HEG1: variants seen among roughly 807,000 people sequenced by gnomAD.
HEG1 encodes the protein heart development protein with EGF like domains 1.
In HEG1, 56 loss-of-function variants were observed where a neutral mutation model predicts 125.6. The ratio of observed to expected loss-of-function variants is 0.45; its 90% confidence interval spans 0.36 to 0.56. The LOEUF is 0.56. HEG1 is among the 20% of genes least tolerant of loss of function. HEG1 has a pLI of 0.00. For missense variants in HEG1, 1,523 were observed against 1,670.0 expected (o/e 0.91, Z 1.53); for synonymous variants, 644 against 668.5 (o/e 0.96, Z 0.57).
chr3:125,024,307 T>G (rs545615662), intron 3 of HEG1, among the ~76,000 whole-genome samples: 1 of 152,342 alleles, frequency 6.6e-6, no homozygotes, highest in African/African-American at 2.4e-5. Context: ...TATGCTTACT[T>G]TATCTGAAAA....
At chr3:125,050,017 G>C (rs924821114) in intron 1 of HEG1, among the ~76,000 whole-genome samples, 6 of 152,064 alleles carry the variant, frequency 3.9e-5, no homozygotes, top group African/African-American at 1.5e-4. Context: ...AGTTGATTTG[G>C]GAGCCTAACT....
chr3:125,029,572 A>G, intron 1 of HEG1, 84 bp from the exon 2 acceptor site: 1 of 1,302,528 alleles, frequency 7.7e-7, no homozygotes, highest in Non-Finnish European at 1.1e-6. Context: ...ACCGTGAAAT[A>G]CATCAGTAGA....
At chr3:124,994,940 A>G (rs1936893631) in intron 12 of HEG1, among the ~76,000 whole-genome samples, 1 of 152,236 alleles carries the variant, frequency 6.6e-6, no homozygotes, top group African/African-American at 2.4e-5. Flanking sequence ...TGCACTGCTC[A>G]GGACATGGTT....
In HEG1 at chr3:125,020,953, C is replaced by G. The variant is rs1032442206; in HGVS notation, c.1091G>C (p.Arg364Thr). The change falls in exon 4 of 17, where the codon AGA becomes ACA. Residue 364 changes from arginine (R) to threonine (T), a missense_variant. By Grantham distance (71) the Arg-to-Thr change is moderately conservative. Coordinates refer to ENST00000311127, the MANE Select transcript of HEG1 (RefSeq NM_020733.2). ...GACTGAGGATGAAGTCGTGGCAATT[C>G]TGGAGTCCTTGGGGAAGCCTTCTGT... ...SKTEGFPKDS[R>T]IATTSSSVLL... is the part of the protein sequence containing the mutation. 1 of 1,613,874 alleles carries G rather than the reference C, an allele frequency of 6.2e-7. No homozygotes were observed. The highest frequency in any genetic ancestry group is 1.3e-5 in the African/African-American group (1 of 74,920).
At chr3:125,006,016 G>T (rs1937066840) in intron 8 of HEG1, among the ~76,000 whole-genome samples, 1 of 152,296 alleles carries the variant, frequency 6.6e-6, no homozygotes, top group African/African-American at 2.4e-5. Context: ...GCTCCCAAGG[G>T]CCACCACTGG....
chr3:124,991,502 A>G (rs1245274083), intron 12 of HEG1, among the ~76,000 whole-genome samples: 1 of 152,148 alleles, frequency 6.6e-6, no homozygotes, highest in Non-Finnish European at 1.5e-5. Context: ...GTGGCTCTCA[A>G]TCTCCCAGCT....
intron 16 of HEG1, among the ~76,000 whole-genome samples, chr3:124,973,357 C>A (rs531740448): frequency 2.0e-5 from 3 of 152,210 alleles, no homozygotes; most frequent in Admixed American, 2.0e-4. Flanking sequence ...GTTTTAAGTA[C>A]CTAACCACAC....
At chr3:125,014,824 T>C in intron 5 of HEG1, 1 of 1,289,880 alleles carries the variant, frequency 7.8e-7, no homozygotes, top group Non-Finnish European at 1.0e-6. Context: ...GCTGCAGGGC[T>C]GCCTGCTTCC....
chr3:125,015,131 T>A, intron 5 of HEG1: 1 of 564,198 alleles, frequency 1.8e-6, no homozygotes, highest in South Asian at 2.5e-5. Context: ...TTTTAGGGTC[T>A]TTATCTGAGA....
At chr3:125,031,638 G>T (rs1361958278) in intron 1 of HEG1, among the ~76,000 whole-genome samples, 1 of 151,706 alleles carries the variant, frequency 6.6e-6, no homozygotes, top group African/African-American at 2.4e-5. Context: ...AGAACCTACA[G>T]TTTGTATCTA....
intron 11 of HEG1, 143 bp downstream of exon 11, chr3:125,001,709 A>G (rs1419663471): frequency 5.1e-6 from 4 of 781,518 alleles, no homozygotes; most frequent in Non-Finnish European, 6.2e-6. Flanking sequence ...GCATGTGCAC[A>G]AAGGTCTTTG....
intron 12 of HEG1, among the ~76,000 whole-genome samples, chr3:124,992,260 T>A (rs970364252): frequency 1.3e-5 from 2 of 152,206 alleles, no homozygotes; most frequent in Non-Finnish European, 2.9e-5. Flanking sequence ...CATGGAACGC[T>A]ACTTCACTGA....
chr3:125,013,172 T>C lies in HEG1; in HGVS notation c.2407A>G (p.Thr803Ala). 2 of 1,614,010 alleles carry C rather than the reference T, an allele frequency of 1.2e-6. No homozygotes were observed. Among genetic ancestry groups the C allele is most frequent in the African/African-American group, 1.3e-5 (1 of 75,044 alleles). The change falls in exon 6 of 17, where the codon ACA becomes GCA. Residue 803 changes from threonine (T) to alanine (A), a missense_variant. Thr to Ala is a moderately conservative substitution (Grantham distance 58, BLOSUM62 0). Coordinates refer to ENST00000311127, the MANE Select transcript of HEG1 (RefSeq NM_020733.2). ...SKSPSLVSLP[T>A]ESTKAVTTNS... ...GTTGTTACAGCTTTGGTGGACTCTG[T>C]GGGCAGAGACACCAGGCTTGGTGAC... is the stretch of plus-strand genomic sequence containing the variant.
chr3:124,987,795 C>T (rs1408920421), intron 14 of HEG1, among the ~76,000 whole-genome samples: 1 of 151,128 alleles, frequency 6.6e-6, no homozygotes, highest in Non-Finnish European at 1.5e-5. Flanking sequence ...GCTGAGATTA[C>T]AGGCGTGAGC....
intron 1 of HEG1, among the ~76,000 whole-genome samples, chr3:125,049,800 G>A (rs966187749): frequency 6.6e-6 from 1 of 152,066 alleles, no homozygotes; most frequent in African/African-American, 2.4e-5. Flanking sequence ...AAACAACTAC[G>A]GGGCTGTAGT....
In HEG1 at chr3:124,992,258, G is replaced by A. The variant is rs1268692573; in HGVS notation, c.3653-1272C>T. Among the ~76,000 whole-genome samples the A allele has an allele frequency of 3.9e-5, 6 of 152,148 alleles. No homozygotes were observed. In the South Asian group the frequency reaches 6.2e-4, roughly 16 times the overall value. ...CCTCGGGTGGTGCAGCTCATGGAAC[G>A]CTACTTCACTGAAGCAGTTGCAGCC... On this transcript the variant is annotated intron_variant, in intron 12 of 16. Transcript: ENST00000311127.
At chr3:124,982,691 G>T (rs1046831881) in intron 14 of HEG1, among the ~76,000 whole-genome samples, 1 of 152,098 alleles carries the variant, frequency 6.6e-6, no homozygotes, top group African/African-American at 2.4e-5. Flanking sequence ...TGCTTATTTG[G>T]ATGGGATCTA....
In HEG1 at chr3:125,055,700, G is replaced by T; in HGVS notation, c.191C>A (p.Pro64Gln). ...GCGCTCCCGGGGCGGCGTGGGCGGCGGCTCGCGCTCCGGGCGGCGCTCCAG... is the reference window on the plus strand; with the variant it reads ...GCGCTCCCGGGGCGGCGTGGGCGGCTGCTCGCGCTCCGGGCGGCGCTCCAG... ...LQLERRPEREPPPTPPRERRG... is the reference protein window; with the variant it reads ...LQLERRPEREQPPTPPRERRG... Residue 64 changes from proline (P) to glutamine (Q), a missense_variant, in exon 1 of 17, where the codon CCG becomes CAG. Physicochemically the swap from Pro to Gln is moderately conservative, Grantham distance 76 (BLOSUM62 -1). Coordinates refer to ENST00000311127, the MANE Select transcript of HEG1 (RefSeq NM_020733.2). 9.1e-7 allele frequency: 1 copy of T among 1,096,886 alleles called. No homozygotes were observed. The highest frequency in any genetic ancestry group is 1.1e-6 in the Non-Finnish European group (1 of 902,976). 67.9% of individuals were successfully genotyped at this position (1,096,886 alleles called of 1,614,324 possible). A position where few individuals can be genotyped will look rare whatever the true frequency, so the allele number is the denominator to read the frequency against.
intron 1 of HEG1, among the ~76,000 whole-genome samples, chr3:125,054,375 C>T (rs1937880024): frequency 6.6e-6 from 1 of 152,212 alleles, no homozygotes; most frequent in South Asian, 2.1e-4. Flanking sequence ...AATGGGAATA[C>T]TGTTGAATAT....
Sources: gnomAD v4.1 joint callset for allele counts (sites outside exome capture counted in the v4.1 genomes callset) on GRCh38, gnomAD v4.1.1 for gene constraint, MANE v1.5 for transcripts, NCBI Gene and HGNC (gene_info 2026-07-23, HGNC 2026-07-21) for gene names.